KLF8: variants seen among roughly 807,000 people sequenced by gnomAD.
KLF8 encodes the protein Krueppel-like factor 8.
KLF8 carries 10 observed loss-of-function variants against 18.2 expected under a neutral mutation model. The ratio of observed to expected loss-of-function variants is 0.55; its 90% confidence interval spans 0.34 to 0.93. KLF8 has a LOEUF of 0.93. Among genes scored for constraint, KLF8 ranks in the 40% least tolerant of loss-of-function variants. The pLI, the probability that KLF8 is intolerant of heterozygous loss-of-function variation, is 0.02. For missense variants in KLF8, 264 were observed against 277.9 expected (o/e 0.95, Z 0.36); for synonymous variants, 109 against 97.3 (o/e 1.12, Z -0.71).
chrX:55,965,667 T>C, the KLF8 span, among the ~76,000 whole-genome samples: 1 of 112,112 alleles, frequency 8.9e-6, no homozygotes, highest in Non-Finnish European at 1.9e-5. Flanking sequence ...TGTTAGACCT[T>C]ACTAACAACT....
At chrX:56,262,820 A>G (rs1166336591) in intron 2 of KLF8, among the ~76,000 whole-genome samples, 1 of 110,533 alleles carries the variant, frequency 9.0e-6, no homozygotes, top group East Asian at 2.8e-4. Flanking sequence ...ATGGGGTTTT[A>G]CCATGTTGGC....
At chrX:55,945,503 G>A in the KLF8 span, among the ~76,000 whole-genome samples, 11 of 109,788 alleles carry the variant, frequency 1.0e-4, no homozygotes, top group Non-Finnish European at 1.9e-4. Context: ...ATAATAAGAG[G>A]TATCTATGAC....
the KLF8 span, among the ~76,000 whole-genome samples, chrX:56,194,204 T>C: frequency 9.0e-6 from 1 of 110,837 alleles, no homozygotes; most frequent in African/African-American, 3.3e-5. Context: ...TTCATCTCAT[T>C]GGGACTGGTT....
the KLF8 span, among the ~76,000 whole-genome samples, chrX:56,143,249 C>G: frequency 8.9e-6 from 1 of 111,986 alleles, no homozygotes; most frequent in East Asian, 2.8e-4. Context: ...AACATTTCTT[C>G]TAGATTGTCC....
the KLF8 span, among the ~76,000 whole-genome samples, chrX:55,945,918 C>T: frequency 9.0e-6 from 1 of 110,982 alleles, no homozygotes; most frequent in Admixed American, 9.6e-5. Context: ...CCTAGGAATC[C>T]AACTTGCAAG....
chrX:56,042,523 G>A, the KLF8 span, among the ~76,000 whole-genome samples: 1 of 111,364 alleles, frequency 9.0e-6, no homozygotes, highest in Non-Finnish European at 1.9e-5. Context: ...GGATGCTCCT[G>A]GAATGTGGGC....
the KLF8 span, among the ~76,000 whole-genome samples, chrX:56,021,704 T>A: frequency 2.7e-5 from 3 of 110,546 alleles, no homozygotes; most frequent in Admixed American, 1.9e-4. Context: ...AGAAATATAA[T>A]TTCTGTGAGT....
the KLF8 span, among the ~76,000 whole-genome samples, chrX:56,160,394 A>G: frequency 2.7e-5 from 3 of 111,546 alleles, no homozygotes; most frequent in African/African-American, 9.8e-5. Context: ...TTCTGTAGAT[A>G]TCTATTAGGT....
At chrX:56,108,792 G>A in the KLF8 span, among the ~76,000 whole-genome samples, 4 of 111,561 alleles carry the variant, frequency 3.6e-5, no homozygotes, top group Non-Finnish European at 5.7e-5. Flanking sequence ...TTATTGATTT[G>A]AGAAGTTTTA....
the KLF8 span, among the ~76,000 whole-genome samples, chrX:56,053,564 TAG>T: frequency 2.0e-5 from 2 of 101,639 alleles, no homozygotes; most frequent in Admixed American, 1.0e-4. Context: ...TTTTGGGGAA[TAG>T]TTTCAGCCGG....
At chrX:56,134,183 A>G in the KLF8 span, among the ~76,000 whole-genome samples, 1 of 111,419 alleles carries the variant, frequency 9.0e-6, no homozygotes, top group African/African-American at 3.3e-5. Context: ...TTCATATGGA[A>G]CCAAAAAAAA....
chrX:56,192,332 A>G, the KLF8 span, among the ~76,000 whole-genome samples: 1 of 111,994 alleles, frequency 8.9e-6, no homozygotes, highest in Admixed American at 9.5e-5. Flanking sequence ...GAAGACAACA[A>G]TAAGCTGGAA....
the KLF8 span, among the ~76,000 whole-genome samples, chrX:56,088,388 C>T: frequency 3.0e-3 from 333 of 110,813 alleles, no homozygotes; most frequent in African/African-American, 0.01. Context: ...TTTTTGTTTA[C>T]AGGATATTGA....
the KLF8 span, among the ~76,000 whole-genome samples, chrX:56,175,723 G>T: frequency 1.8e-5 from 2 of 111,156 alleles, no homozygotes; most frequent in African/African-American, 3.3e-5. Flanking sequence ...TTATTATCGC[G>T]TGGGAGTCTA....
the KLF8 span, among the ~76,000 whole-genome samples, chrX:56,192,391 C>T: frequency 2.7e-5 from 3 of 111,420 alleles, no homozygotes; most frequent in Non-Finnish European, 5.7e-5. Flanking sequence ...ATATATACTA[C>T]AAAAAGCAAT....
the KLF8 span, among the ~76,000 whole-genome samples, chrX:56,109,113 T>TA: frequency 9.0e-6 from 1 of 111,717 alleles, no homozygotes; most frequent in Admixed American, 9.6e-5. Context: ...AAATATGTTC[T>TA]AGGCTGAGCA....
the KLF8 span, among the ~76,000 whole-genome samples, chrX:56,001,607 C>T: frequency 8.9e-6 from 1 of 111,951 alleles, no homozygotes; most frequent in Non-Finnish European, 1.9e-5. Context: ...ATATATTCTC[C>T]TCAACCAGAT....
the KLF8 span, among the ~76,000 whole-genome samples, chrX:56,116,309 A>G: frequency 8.9e-6 from 1 of 112,292 alleles, no homozygotes. Flanking sequence ...GCAATATAGT[A>G]TTTATGAGAG....
At chrX:55,938,218 T>C in the KLF8 span, among the ~76,000 whole-genome samples, 2 of 111,789 alleles carry the variant, frequency 1.8e-5, no homozygotes, top group African/African-American at 6.5e-5. Flanking sequence ...GGTGCCAATA[T>C]TCAACATTCT....
Sources: allele counts gnomAD v4.1 joint callset (sites outside exome capture counted in the v4.1 genomes callset), GRCh38; gene constraint gnomAD v4.1.1; transcripts MANE v1.5; gene names NCBI Gene and HGNC (gene_info 2026-07-23, HGNC 2026-07-21).